The following FARS2 variants were observed in gnomAD, a reference collection of about 807,000 sequenced individuals.
The protein encoded by FARS2 is phenylalanine--tRNA ligase, mitochondrial.
A neutral mutation model predicts 46.4 loss-of-function variants in FARS2; 40 were observed. The observed-to-expected ratio is 0.86, with a 90% CI of 0.67 to 1.12. The LOEUF is 1.12. Ranked by LOEUF, FARS2 falls within the 50% of genes most tolerant of loss-of-function variation. FARS2 has a pLI of 0.00. For missense variants in FARS2, 513 were observed against 567.9 expected, an observed-to-expected ratio of 0.90 and a Z score of 0.98; for synonymous variants, 234 against 214.9, an observed-to-expected ratio of 1.09 and a Z score of -0.78.
intron 6 of FARS2, among the ~76,000 whole-genome samples, chr6:5,614,314 G>C (rs796273833): frequency 6.6e-6 from 1 of 151,864 alleles, no homozygotes; most frequent in East Asian, 1.9e-4. Flanking sequence ...TCCCTTCCCC[G>C]CCTGATTGTT....
intron 2 of FARS2, among the ~76,000 whole-genome samples, chr6:5,377,319 G>A (rs913048611): frequency 1.3e-5 from 2 of 152,182 alleles, no homozygotes; most frequent in Admixed American, 6.5e-5. Flanking sequence ...GAGGAGTTGC[G>A]TGAGAGACAG....
chr6:5,358,732 C>G (rs546122629), intron 1 of FARS2, among the ~76,000 whole-genome samples: 2 of 152,086 alleles, frequency 1.3e-5, no homozygotes, highest in African/African-American at 4.8e-5. Context: ...TGTCTTTGGT[C>G]TGTAGTCATT....
At chr6:5,669,894 A>G (rs1778362962) in intron 6 of FARS2, among the ~76,000 whole-genome samples, 1 of 152,196 alleles carries the variant, frequency 6.6e-6, no homozygotes, top group African/African-American at 2.4e-5. Context: ...CCACACCTTC[A>G]GATCCCTTTA....
At chr6:5,456,747 A>AAG (rs1554187518) in intron 4 of FARS2, among the ~76,000 whole-genome samples, 2 of 151,140 alleles carry the variant, frequency 1.3e-5, no homozygotes, top group African/African-American at 4.9e-5. Flanking sequence ...AAAAAAAAAA[A>AAG]AGAGATGGGC....
At chr6:5,260,509 G>T, upstream of FARS2, 1 of 1,180,730 alleles carries the variant, frequency 8.5e-7, no homozygotes, top group South Asian at 1.5e-5. Context: ...GCTTTTCGAT[G>T]GCGGAGCCCG....
intron 1 of FARS2, among the ~76,000 whole-genome samples, chr6:5,341,202 T>TAGATATAG (rs1315022164): frequency 2.4e-3 from 13 of 5,506 alleles, no homozygotes; most frequent in Admixed American, 6.6e-3. Context: ...TATATATATA[T>TAGATATAG]ATATATATAT....
intron 1 of FARS2, among the ~76,000 whole-genome samples, chr6:5,321,620 A>G (rs1769981335): frequency 1.5e-5 from 2 of 130,094 alleles, no homozygotes; most frequent in Admixed American, 1.6e-4. Context: ...CTTCATCCCC[A>G]TTCGGTAGGT....
At chr6:5,260,986 C>CCTCCG, upstream of FARS2, 3 of 1,160,460 alleles carry the variant, frequency 2.6e-6, no homozygotes, top group Non-Finnish European at 3.2e-6. Flanking sequence ...GAGGGAGATG[C>CCTCCG]CTCCGCCCCG....
intron 1 of FARS2, among the ~76,000 whole-genome samples, chr6:5,331,999 T>A (rs1185257352): frequency 1.3e-5 from 2 of 152,192 alleles, no homozygotes; most frequent in Non-Finnish European, 2.9e-5. Context: ...ACGGTAAATA[T>A]GTTATTTCAT....
intron 1 of FARS2, among the ~76,000 whole-genome samples, chr6:5,362,606 T>A (rs1758374691): frequency 6.6e-6 from 1 of 152,236 alleles, no homozygotes; most frequent in South Asian, 2.1e-4. Flanking sequence ...GAAGTGGGAT[T>A]GCTGGATCAT....
At chr6:5,410,149 G>GTTTTTTTTTTTTTTTTTTT (rs1171325752) in intron 3 of FARS2, among the ~76,000 whole-genome samples, 1 of 120,542 alleles carries the variant, frequency 8.3e-6, no homozygotes, top group African/African-American at 3.5e-5. Context: ...TCGTTTTTGT[G>GTTTTTTTTTTTTTTTTTTT]TTTTTTTGTT....
At chr6:5,651,990 A>G (rs766075292) in intron 6 of FARS2, among the ~76,000 whole-genome samples, 19 of 152,114 alleles carry the variant, frequency 1.2e-4, no homozygotes, top group Admixed American at 3.3e-4. Flanking sequence ...TTGCACAGAG[A>G]AGAAGTCATC....
chr6:5,518,186 A>G lies in FARS2; in HGVS notation c.905-26994A>G, dbSNP rs994568398. Among the ~76,000 whole-genome samples, 5 of 152,180 alleles carry G rather than the reference A, an allele frequency of 3.3e-5. 1 individual carries two copies. Among genetic ancestry groups the G allele is most frequent in the South Asian group, 2.1e-4 (1 of 4,824 alleles). On this transcript the variant is annotated intron_variant, in intron 4 of 6. Coordinates refer to ENST00000274680, the MANE Select transcript of FARS2 (RefSeq NM_006567.5). ...TTGTTGCTGCATCCAGGGAGAAAATATGAGGGGTTGCATAAGGGCAGTGGC... is the reference window on the plus strand; with the variant it reads ...TTGTTGCTGCATCCAGGGAGAAAATGTGAGGGGTTGCATAAGGGCAGTGGC...
chr6:5,581,832 C>G lies in FARS2; in HGVS notation c.1066-31337C>G, dbSNP rs1478187663. 3.3e-5 allele frequency among the ~76,000 whole-genome samples: 5 copies of G among 152,216 alleles called. No homozygotes were observed. In the East Asian group the frequency reaches 9.7e-4, roughly 29 times the overall value. On this transcript the variant is annotated intron_variant, in intron 5 of 6. Transcript: ENST00000274680. ...CCTGATGCGCTTTTCTAAATGGTCA[C>G]AGTAACATACTTCCGGTTAATTCCT...
intron 2 of FARS2, among the ~76,000 whole-genome samples, chr6:5,375,069 A>C (rs945912412): frequency 6.6e-6 from 1 of 152,078 alleles, no homozygotes; most frequent in African/African-American, 2.4e-5. Flanking sequence ...TATGTGGTAA[A>C]TTCTAGCTTA....
rs888722576 is a variant in FARS2 at position 5,667,009 on chromosome 6, G to A, written c.1217+53689G>A. ...TGAATGTTCTCACGTACAAGTGGGA[G>A]CTAAATGTTGCAAACACATGGACAC... is the stretch of plus-strand genomic sequence containing the variant. On this transcript the variant is annotated intron_variant, in intron 6 of 6. Coordinates refer to ENST00000274680, the MANE Select transcript of FARS2 (RefSeq NM_006567.5). Among the ~76,000 whole-genome samples the A allele has an allele frequency of 2.3e-4, 35 of 152,148 alleles. 1 individual carries two copies. Among genetic ancestry groups the A allele is most frequent in the Non-Finnish European group, 1.5e-5 (1 of 68,032 alleles).
At chr6:5,718,343 C>A (rs1248384178) in intron 6 of FARS2, among the ~76,000 whole-genome samples, 1 of 152,220 alleles carries the variant, frequency 6.6e-6, no homozygotes, top group Admixed American at 6.5e-5. Flanking sequence ...TCAGTGCCCA[C>A]CCACCCCCAA....
chr6:5,762,107 T>C (rs1237328473), intron 6 of FARS2, among the ~76,000 whole-genome samples: 1 of 152,186 alleles, frequency 6.6e-6, no homozygotes, highest in African/African-American at 2.4e-5. Flanking sequence ...GACGAGGAAG[T>C]TGAGGCTCAG....
chr6:5,396,035 A>G (rs866631928), intron 2 of FARS2, among the ~76,000 whole-genome samples: 1 of 152,206 alleles, frequency 6.6e-6, no homozygotes, highest in Non-Finnish European at 1.5e-5. Context: ...TTCATATATA[A>G]CTATTCTTTA....
Sources: gnomAD v4.1 joint callset for allele counts (sites outside exome capture counted in the v4.1 genomes callset) on GRCh38, gnomAD v4.1.1 for gene constraint, MANE v1.5 for transcripts, NCBI Gene and HGNC (gene_info 2026-07-23, HGNC 2026-07-21) for gene names.